Variants in SEMA4D observed in about 807,000 individuals in gnomAD.
SEMA4D encodes semaphorin 4D.
SEMA4D carries 22 observed loss-of-function variants against 74.8 expected under a neutral mutation model. The observed-to-expected ratio is 0.29, with a 90% CI of 0.21 to 0.42. The LOEUF is 0.42. Among genes scored for constraint, SEMA4D ranks in the 10% least tolerant of loss-of-function variants. SEMA4D has a pLI of 1.00. For missense variants in SEMA4D, 937 were observed against 1,118.4 expected, an observed-to-expected ratio of 0.84 and a Z score of 2.31; for synonymous variants, 445 against 463.7, an observed-to-expected ratio of 0.96 and a Z score of 0.52.
intron 2 of SEMA4D, among the ~76,000 whole-genome samples, chr9:89,437,035 A>G (rs1322185165): frequency 1.3e-5 from 2 of 152,236 alleles, no homozygotes; most frequent in Admixed American, 1.3e-4. Flanking sequence ...GTCAAGAGGT[A>G]GCAATGAGGG....
At chr9:89,469,909 A>G (rs1363203165) in intron 1 of SEMA4D, among the ~76,000 whole-genome samples, 3 of 152,236 alleles carry the variant, frequency 2.0e-5, no homozygotes, top group Non-Finnish European at 4.4e-5. Context: ...CTAAAGAAAC[A>G]GGGCAAGAAA....
At chr9:89,405,161 G>A (rs1260949679) in intron 3 of SEMA4D, among the ~76,000 whole-genome samples, 190 bp downstream of exon 3, 3 of 150,930 alleles carry the variant, frequency 2.0e-5, no homozygotes, top group Admixed American at 2.0e-4. Flanking sequence ...AGGAAGTGGG[G>A]TCCCCATCCC....
At chr9:89,479,095 G>A (rs1431174010) in intron 1 of SEMA4D, among the ~76,000 whole-genome samples, 1 of 152,184 alleles carries the variant, frequency 6.6e-6, no homozygotes, top group African/African-American at 2.4e-5. Flanking sequence ...TCCCATGGCT[G>A]CCTGTGGAGC....
At position 89,387,498 on chromosome 9, in the gene SEMA4D, T is replaced by TG; in HGVS notation, c.1217dup (p.Ile407AsnfsTer31). The TG allele has an allele frequency of 1.9e-6, 3 of 1,614,226 alleles. No homozygotes were observed. Among genetic ancestry groups the TG allele is most frequent in the Non-Finnish European group, 1.7e-6 (2 of 1,180,034 alleles). On this transcript the variant is annotated frameshift_variant, in exon 12 of 16. Transcript: ENST00000422704. LOFTEE classifies it high-confidence loss of function. ...TGATTAACCTGGGCCTGTTGTCTAT[T>TG]GGGGTTACCGAGTCATCCATCAAAG...
rs539621483 is a variant in SEMA4D at position 89,391,031 on chromosome 9, TA to T, written c.774+232del. Reference sequence around the variant, plus strand: ...AGCTAGAGGTTTGAAGAGGGTGCATTAAAAGAAAGAACCTCCTGAGAAGAGG... The same window carrying T: ...AGCTAGAGGTTTGAAGAGGGTGCATTAAAGAAAGAACCTCCTGAGAAGAGG... On this transcript the variant is annotated intron_variant, in intron 9 of 15. Coordinates refer to ENST00000422704, the MANE Select transcript of SEMA4D (RefSeq NM_001371194.2). 4.6e-5 allele frequency among the ~76,000 whole-genome samples: 7 copies of T among 152,198 alleles called. No individual in the cohort carries two copies. In the East Asian group the frequency reaches 1.4e-3, roughly 29 times the overall value.
At chr9:89,387,728 T>C in intron 11 of SEMA4D, 120 bp from the exon 12 acceptor site, 1 of 762,644 alleles carries the variant, frequency 1.3e-6, no homozygotes, top group Non-Finnish European at 2.2e-6. Flanking sequence ...ATGCATGCCT[T>C]GAAATGAGGG....
intron 13 of SEMA4D, chr9:89,385,682 T>C: frequency 1.2e-5 from 7 of 588,652 alleles, no homozygotes; most frequent in Non-Finnish European, 1.5e-5. Context: ...CCTGGAGGGG[T>C]GTTTGCAAAT....
intron 1 of SEMA4D, among the ~76,000 whole-genome samples, chr9:89,466,070 G>A (rs898834470): frequency 2.0e-5 from 3 of 152,126 alleles, no homozygotes; most frequent in South Asian, 2.1e-4. Flanking sequence ...GTGAGAAGCC[G>A]AGGTGTCCAA....
At chr9:89,415,390 G>T in intron 2 of SEMA4D, among the ~76,000 whole-genome samples, 1 of 152,158 alleles carries the variant, frequency 6.6e-6, no homozygotes, top group East Asian at 1.9e-4. Flanking sequence ...TTAACCCTGC[G>T]GCCCTAAAGG....
In SEMA4D at chr9:89,387,507, C is replaced by A. The variant is rs199507692; in HGVS notation, c.1209G>T (p.Ser403=). Residue 403 remains serine, a synonymous_variant, in exon 12 of 16, where the codon TCG becomes TCT. Coordinates refer to ENST00000422704, the MANE Select transcript of SEMA4D (RefSeq NM_001371194.2). ...TGGGCCTGTTGTCTATTGGGGTTAC[C>A]GAGTCATCCATCAAAGGGTGGTCTT... is the stretch of plus-strand genomic sequence containing the variant. ...FVKDHPLMDD[S]VTPIDNRPRL... 6.2e-7 allele frequency: 1 copy of A among 1,614,196 alleles called. No homozygotes were observed. Among genetic ancestry groups the A allele is most frequent in the South Asian group, 1.1e-5 (1 of 91,084 alleles).
At chr9:89,362,863 C>G in intron 18 of SEMA4D, among the ~76,000 whole-genome samples, 1 of 152,326 alleles carries the variant, frequency 6.6e-6, no homozygotes, top group Non-Finnish European at 1.5e-5. Flanking sequence ...CCTTCTGTAT[C>G]GGCTATTTAG....
chr9:89,486,258 T>C (rs1049598865), intron 1 of SEMA4D, among the ~76,000 whole-genome samples: 1 of 152,184 alleles, frequency 6.6e-6, no homozygotes, highest in African/African-American at 2.4e-5. Flanking sequence ...GTATAATTCC[T>C]TCTATATGAA....
intron 2 of SEMA4D, among the ~76,000 whole-genome samples, chr9:89,451,131 A>AT (rs1854400787): frequency 6.6e-6 from 1 of 152,118 alleles, no homozygotes; most frequent in Admixed American, 6.5e-5. Context: ...ACTCAGCCGA[A>AT]TTTTTTTATA....
At chr9:89,441,161 C>T (rs935855606) in intron 2 of SEMA4D, among the ~76,000 whole-genome samples, 1 of 152,218 alleles carries the variant, frequency 6.6e-6, no homozygotes, top group Non-Finnish European at 1.5e-5. Flanking sequence ...GTAAACATGT[C>T]CCAGTCCAAA....
intron 2 of SEMA4D, among the ~76,000 whole-genome samples, chr9:89,406,292 G>A (rs1843315453): frequency 6.6e-6 from 1 of 152,168 alleles, no homozygotes; most frequent in Non-Finnish European, 1.5e-5. Flanking sequence ...CTGACCTCCT[G>A]CCCCAAATGG....
rs779961734 is a variant in SEMA4D, at chr9:89,381,144, C to T, written c.1619+30G>A. On this transcript the variant is annotated intron_variant, in intron 14 of 15. Transcript: ENST00000422704. The surrounding 1 kb of genome is among the most constrained non-coding windows in gnomAD (Gnocchi z 4.6). The stretch of plus-strand genomic sequence containing the variant: ...GTTATTCACCCACACACATGGGGGA[C>T]ATCCCCAGGCAGCGCATCCCGCCCC... 1 of 1,614,124 alleles carries T rather than the reference C, an allele frequency of 6.2e-7. No homozygotes were observed. Among genetic ancestry groups the T allele is most frequent in the South Asian group, 1.1e-5 (1 of 91,084 alleles).
rs570920054 is a variant in SEMA4D, at chr9:89,491,291, T to TG, written c.-310+6627dup. On this transcript the variant is annotated intron_variant, in intron 1 of 15. Coordinates refer to ENST00000422704, the MANE Select transcript of SEMA4D (RefSeq NM_001371194.2). ...GCCTGTTAAAACAGATGGCTGAGTC[T>TG]GGGCACCGTGGCTCACACCTGTAAT... Among the ~76,000 whole-genome samples, 23 of 152,268 alleles carry TG rather than the reference T, an allele frequency of 1.5e-4. No homozygotes were observed. In the East Asian group the frequency reaches 4.4e-3, roughly 29 times the overall value.
In SEMA4D at chr9:89,381,542, C is replaced by A; in HGVS notation, c.1447-196G>T. The A allele has an allele frequency of 2.0e-6, 1 of 491,736 alleles. No individual in the cohort carries two copies. Among genetic ancestry groups the A allele is most frequent in the Non-Finnish European group, 3.5e-6 (1 of 286,072 alleles). 30.5% of individuals were successfully genotyped at this position (491,736 alleles called of 1,614,324 possible). On this transcript the variant is annotated intron_variant, in intron 13 of 15. Transcript: ENST00000422704. The surrounding 1 kb of genome is among the most constrained non-coding windows in gnomAD (Gnocchi z 4.6). The stretch of plus-strand genomic sequence containing the variant: ...TTCCTGCAGAATCCACGTGCTATGT[C>A]AGGGCTCACTGGGCCTTAGGTCCAA...
chr9:89,424,309 G>C (rs1847654404), intron 2 of SEMA4D, among the ~76,000 whole-genome samples: 1 of 152,344 alleles, frequency 6.6e-6, no homozygotes, highest in African/African-American at 2.4e-5. Flanking sequence ...CCAAGGTGCG[G>C]AAAGGTCCAA....
Sources: gnomAD v4.1 joint callset for allele counts (sites outside exome capture counted in the v4.1 genomes callset) on GRCh38, gnomAD v4.1.1 for gene constraint, Gnocchi (gnomAD v3.1) non-coding constraint, MANE v1.5 for transcripts, NCBI Gene and HGNC (gene_info 2026-07-23, HGNC 2026-07-21) for gene names.